LRRTM3: variants seen among roughly 807,000 people sequenced by gnomAD.
The protein encoded by LRRTM3 is leucine-rich repeat transmembrane neuronal protein 3.
In LRRTM3, 24 loss-of-function variants were observed where a neutral mutation model predicts 44.7. That is an observed-to-expected ratio of 0.54 (90% CI 0.39 to 0.76). The LOEUF is 0.76. LRRTM3 is among the 30% of genes least tolerant of loss of function. The pLI is 0.00. For synonymous variants in LRRTM3, 277 were observed against 278.7 expected (o/e 0.99, Z 0.06); for missense variants, 587 against 702.2 (o/e 0.84, Z 1.85).
chr10:66,972,312 T>C (rs1012823677), intron 2 of LRRTM3, among the ~76,000 whole-genome samples: 2 of 152,164 alleles, frequency 1.3e-5, no homozygotes, highest in Non-Finnish European at 2.9e-5. Context: ...TTATACTATA[T>C]ATAGCATCAA....
At chr10:67,006,623 C>A (rs1482371920) in intron 2 of LRRTM3, among the ~76,000 whole-genome samples, 1 of 151,482 alleles carries the variant, frequency 6.6e-6, no homozygotes, top group African/African-American at 2.4e-5. Context: ...ATAAAGTTTA[C>A]AAATTATGTA....
intron 2 of LRRTM3, among the ~76,000 whole-genome samples, chr10:67,069,543 G>C (rs956273545): frequency 1.1e-4 from 16 of 151,272 alleles, no homozygotes; most frequent in South Asian, 4.2e-4. Context: ...ATATTACAAG[G>C]TGTACAGCAG....
intron 2 of LRRTM3, among the ~76,000 whole-genome samples, chr10:66,950,626 G>T (rs1018859828): frequency 6.6e-6 from 1 of 152,008 alleles, no homozygotes; most frequent in Non-Finnish European, 1.5e-5. Flanking sequence ...TTTCAGTTAT[G>T]TGAATGGCTC....
At chr10:66,952,384 G>A (rs1343058558) in intron 2 of LRRTM3, among the ~76,000 whole-genome samples, 2 of 152,156 alleles carry the variant, frequency 1.3e-5, no homozygotes, top group African/African-American at 4.8e-5. Flanking sequence ...AATCTTCAGA[G>A]ACAAAAGACA....
chr10:66,927,314 C>G lies in LRRTM3; in HGVS notation c.398C>G (p.Thr133Arg). 6.2e-7 allele frequency: 1 copy of G among 1,614,156 alleles called. No homozygotes were observed. The highest frequency in any genetic ancestry group is 8.5e-7 in the Non-Finnish European group (1 of 1,180,028). ...CTTAACAATACCTTCAGACCTGTGA[C>G]AAATTTACGGAACTTGGATCTGTCC... ...YFLNNTFRPV[T>R]NLRNLDLSYN... is the part of the protein sequence containing the mutation. The change falls in exon 2 of 3, where the codon ACA becomes AGA. Residue 133 changes from threonine (T) to arginine (R), a missense_variant. Physicochemically the swap from Thr to Arg is moderately conservative, Grantham distance 71. Transcript: ENST00000361320. The surrounding 1 kb of genome is among the most constrained non-coding windows in gnomAD (Gnocchi z 4.7).
intron 2 of LRRTM3, among the ~76,000 whole-genome samples, chr10:66,940,530 G>C (rs1847943669): frequency 6.6e-6 from 1 of 152,146 alleles, no homozygotes; most frequent in Admixed American, 6.5e-5. Flanking sequence ...AATAAAAGAA[G>C]TCCAGTGGTT....
chr10:67,009,402 A>C (rs1313374447), intron 2 of LRRTM3, among the ~76,000 whole-genome samples: 1 of 151,864 alleles, frequency 6.6e-6, no homozygotes, highest in Non-Finnish European at 1.5e-5. Context: ...TATTGCTTCT[A>C]ATATTTTTGT....
At chr10:67,011,272 C>T (rs1051679085) in intron 2 of LRRTM3, among the ~76,000 whole-genome samples, 7 of 147,960 alleles carry the variant, frequency 4.7e-5, no homozygotes, top group South Asian at 2.2e-4. Context: ...ACCCAGCAGA[C>T]GGAGGTTGCA....
chr10:66,956,306 T>A (rs969913147), intron 2 of LRRTM3, among the ~76,000 whole-genome samples: 8 of 151,602 alleles, frequency 5.3e-5, no homozygotes, highest in African/African-American at 1.9e-4. Flanking sequence ...TGAAAACCAC[T>A]GGTAAGAGTT....
At chr10:66,954,741 C>T (rs763110231) in intron 2 of LRRTM3, among the ~76,000 whole-genome samples, 4 of 152,158 alleles carry the variant, frequency 2.6e-5, no homozygotes, top group Admixed American at 6.6e-5. Flanking sequence ...CAGGTATACC[C>T]TTCCTTGGCG....
At chr10:66,954,417 G>T (rs558029726) in intron 2 of LRRTM3, among the ~76,000 whole-genome samples, 16 of 152,088 alleles carry the variant, frequency 1.1e-4, no homozygotes, top group Admixed American at 1.0e-3. Flanking sequence ...TTAAAATAGC[G>T]AAAATAATGT....
intron 2 of LRRTM3, among the ~76,000 whole-genome samples, chr10:66,943,895 T>A: frequency 6.6e-6 from 1 of 152,230 alleles, no homozygotes; most frequent in African/African-American, 2.4e-5. Context: ...TTAAAAATAC[T>A]TTATTGCTAA....
intron 2 of LRRTM3, among the ~76,000 whole-genome samples, chr10:67,036,657 C>A (rs1259764674): frequency 2.6e-5 from 4 of 152,020 alleles, no homozygotes; most frequent in Non-Finnish European, 5.9e-5. Context: ...CTGCACCTGG[C>A]CAGGGGTTTT....
intron 2 of LRRTM3, among the ~76,000 whole-genome samples, chr10:66,995,509 T>TAA (rs1851278546): frequency 2.0e-5 from 3 of 152,214 alleles, no homozygotes; most frequent in Admixed American, 1.3e-4. Flanking sequence ...ACGAAGCAGA[T>TAA]AAAGTTACCC....
chr10:66,966,787 G>GA (rs1158923465), intron 2 of LRRTM3, among the ~76,000 whole-genome samples: 12 of 151,836 alleles, frequency 7.9e-5, no homozygotes, highest in African/African-American at 2.9e-4. Flanking sequence ...AATAAATATG[G>GA]AAAAAAACAA....
chr10:66,981,035 T>G (rs1850406944), intron 2 of LRRTM3, among the ~76,000 whole-genome samples: 1 of 152,136 alleles, frequency 6.6e-6, no homozygotes, highest in African/African-American at 2.4e-5. Flanking sequence ...GCCTCCCTAG[T>G]AGCTGGATTA....
chr10:67,069,534 T>C (rs1639857324), intron 2 of LRRTM3, among the ~76,000 whole-genome samples: 1 of 151,778 alleles, frequency 6.6e-6, no homozygotes, highest in Admixed American at 6.6e-5. Context: ...AAGAAACAGA[T>C]ATTACAAGGT....
At chr10:67,067,201 C>T (rs1315944597) in intron 2 of LRRTM3, among the ~76,000 whole-genome samples, 1 of 152,016 alleles carries the variant, frequency 6.6e-6, no homozygotes, top group South Asian at 2.1e-4. Context: ...GAGAAATATA[C>T]CACAGAAGTG....
intron 2 of LRRTM3, among the ~76,000 whole-genome samples, chr10:67,048,312 C>T (rs540749444): frequency 1.3e-5 from 2 of 152,170 alleles, no homozygotes; most frequent in South Asian, 4.1e-4. Context: ...AAAAGCCAGT[C>T]TGTGATTTTG....
Sources: gnomAD v4.1 joint callset for allele counts (sites outside exome capture counted in the v4.1 genomes callset) on GRCh38, gnomAD v4.1.1 for gene constraint, Gnocchi (gnomAD v3.1) non-coding constraint, MANE v1.5 for transcripts, NCBI Gene and HGNC (gene_info 2026-07-23, HGNC 2026-07-21) for gene names.